Variants in MICOS10 observed in about 807,000 individuals in gnomAD.
MICOS10 encodes mitochondrial contact site and cristae organizing system subunit 10, also known as MICOS complex subunit MIC10.
In MICOS10, 5 loss-of-function variants were observed where a neutral mutation model predicts 13.4. The observed-to-expected ratio is 0.37, with a 90% confidence interval of 0.20 to 0.78. The LOEUF is 0.78. Ranked by LOEUF, MICOS10 falls within the 30% of genes least tolerant of loss-of-function variation. MICOS10 has a pLI of 0.47. For synonymous variants in MICOS10, 35 were observed against 33.6 expected (o/e 1.04, Z -0.15); for missense variants, 101 against 94.6 (o/e 1.07, Z -0.28).
At chr1:19,606,712 C>T (rs573472541) in intron 1 of MICOS10, among the ~76,000 whole-genome samples, 1 of 151,664 alleles carries the variant, frequency 6.6e-6, no homozygotes, top group Non-Finnish European at 1.5e-5. Context: ...GGCCATTGCA[C>T]TCCAACCTGG....
chr1:19,603,159 A>G (rs987847008), intron 1 of MICOS10, among the ~76,000 whole-genome samples: 1 of 151,850 alleles, frequency 6.6e-6, no homozygotes, highest in Non-Finnish European at 1.5e-5. Context: ...GCGAAACCCC[A>G]TCTCTACTAA....
intron 1 of MICOS10, among the ~76,000 whole-genome samples, chr1:19,610,320 G>A (rs1196472029): frequency 1.4e-5 from 2 of 143,802 alleles, no homozygotes; most frequent in Non-Finnish European, 3.0e-5. Flanking sequence ...TGAGGAGGTG[G>A]TCTAAGAAGA....
At chr1:19,608,619 A>G (rs773014275) in intron 1 of MICOS10, 2 of 713,688 alleles carry the variant, frequency 2.8e-6, no homozygotes, top group East Asian at 4.9e-5. Context: ...CATGTAAAAA[A>G]TAAATAAAAA....
intron 1 of MICOS10, among the ~76,000 whole-genome samples, chr1:19,618,830 CAT>C (rs2094893798): frequency 6.6e-6 from 1 of 152,354 alleles, no homozygotes; most frequent in East Asian, 1.9e-4. Context: ...TGTAGCTTCT[CAT>C]ATTTGTGAAC....
In MICOS10 at chr1:19,626,432, A is replaced by C. The variant is rs1023359660; in HGVS notation, c.*31A>C. 2 of 1,613,326 alleles carry C rather than the reference A, an allele frequency of 1.2e-6. No homozygotes were observed. The highest frequency in any genetic ancestry group is 1.3e-5 in the African/African-American group (1 of 74,908). ...CCTGAGAACATCCCAGCGGGAGGACAAGAGAAATCATGTTTATTCCTCAGG... is the reference window on the plus strand; with the variant it reads ...CCTGAGAACATCCCAGCGGGAGGACCAGAGAAATCATGTTTATTCCTCAGG... On this transcript the variant is annotated 3_prime_UTR_variant, in exon 4 of 4. Transcript: ENST00000322753.
At position 19,628,446 on chromosome 1, in the gene MICOS10, G is replaced by C. The variant is rs2094928698; in HGVS notation, c.*2045G>C. On this transcript the variant is annotated 3_prime_UTR_variant, in exon 4 of 4. Transcript: ENST00000322753. ...CACCTGTAATCCCAGCACTTTGGGA[G>C]GCCAAGGCAGGTGGATCATGAGGTC... 2 of 95,942 alleles carry C rather than the reference G, an allele frequency of 2.1e-5. No individual in the cohort carries two copies. Among genetic ancestry groups the C allele is most frequent in the South Asian group, 7.0e-4 (2 of 2,862 alleles). The allele number at this position is 95,942 out of a possible 1,614,324, so 5.9% of individuals were successfully genotyped here. A position where few individuals can be genotyped will look rare whatever the true frequency, so the allele number is the denominator to read the frequency against.
At chr1:19,605,616 G>C (rs1321794894) in intron 1 of MICOS10, among the ~76,000 whole-genome samples, 1 of 152,138 alleles carries the variant, frequency 6.6e-6, no homozygotes, top group Admixed American at 6.5e-5. Context: ...AAATAATGTT[G>C]TGTGGTGTAT....
chr1:19,615,577 C>A (rs2094880688), intron 1 of MICOS10, among the ~76,000 whole-genome samples: 1 of 151,678 alleles, frequency 6.6e-6, no homozygotes, highest in Non-Finnish European at 1.5e-5. Flanking sequence ...CAACACTTTC[C>A]TTTTTTTCCC....
At chr1:19,605,435 C>T (rs2094831111) in intron 1 of MICOS10, among the ~76,000 whole-genome samples, 1 of 152,044 alleles carries the variant, frequency 6.6e-6, no homozygotes, top group South Asian at 2.1e-4. Context: ...ACCTTAGCCC[C>T]AGGCAACCAC....
intron 1 of MICOS10, among the ~76,000 whole-genome samples, chr1:19,604,743 G>A (rs1048796088): frequency 2.0e-5 from 3 of 152,176 alleles, no homozygotes; most frequent in African/African-American, 7.2e-5. Context: ...CTTGGCAGGG[G>A]GTGGCACACA....
At chr1:19,606,815 A>T (rs548858098) in intron 1 of MICOS10, among the ~76,000 whole-genome samples, 1 of 152,384 alleles carries the variant, frequency 6.6e-6, no homozygotes, top group South Asian at 2.1e-4. Flanking sequence ...CCTTAGAATT[A>T]AAGTTAACCA....
intron 1 of MICOS10, among the ~76,000 whole-genome samples, chr1:19,620,411 T>C (rs1473376211): frequency 1.3e-5 from 2 of 152,240 alleles, no homozygotes; most frequent in Admixed American, 6.5e-5. Flanking sequence ...TTTAAGTAAC[T>C]GAGATAGCTA....
chr1:19,615,750 AACTTT>A (rs2094881846), intron 1 of MICOS10, among the ~76,000 whole-genome samples: 2 of 146,374 alleles, frequency 1.4e-5, no homozygotes, highest in South Asian at 4.3e-4. Context: ...CACCCTGCTG[AACTTT>A]CCATTTTTCA....
chr1:19,625,487 C>G, intron 3 of MICOS10: 9 of 1,289,418 alleles, frequency 7.0e-6, no homozygotes, highest in Non-Finnish European at 9.1e-6. Context: ...AGAGTGAGGT[C>G]ATCACAGGGA....
intron 1 of MICOS10, among the ~76,000 whole-genome samples, chr1:19,617,734 A>T (rs1198244274): frequency 6.6e-6 from 1 of 152,196 alleles, no homozygotes; most frequent in Non-Finnish European, 1.5e-5. Flanking sequence ...TGACAGAAAC[A>T]CGATTGAACA....
rs1256422672 is a variant in MICOS10, at chr1:19,629,023, A to T, written c.*2622A>T. 1 of 152,276 alleles carries T rather than the reference A, an allele frequency of 6.6e-6. No homozygotes were observed. The highest frequency in any genetic ancestry group is 2.4e-5 in the African/African-American group (1 of 41,458). The allele number at this position is 152,276 out of a possible 1,614,324, so 9.4% of individuals were successfully genotyped here. ...CACTGGCCAGTTGCTTTAGTTCTAG[A>T]TAGCTTTGTATTCCCGCCTTGTTGC... On this transcript the variant is annotated 3_prime_UTR_variant, in exon 4 of 4. Transcript: ENST00000322753.
intron 1 of MICOS10, among the ~76,000 whole-genome samples, chr1:19,621,199 C>G (rs1448086509): frequency 6.6e-6 from 1 of 152,198 alleles, no homozygotes; most frequent in Non-Finnish European, 1.5e-5. Context: ...TCAATGGCTT[C>G]CATGTCCCTG....
At chr1:19,626,362 TA>T in intron 3 of MICOS10, 24 bp from the exon 4 acceptor site, 1 of 1,613,982 alleles carries the variant, frequency 6.2e-7, no homozygotes, top group South Asian at 1.1e-5. Context: ...TGCACAGTTT[TA>T]AGCTGAATGT....
rs1469392066 is a variant in MICOS10 at position 19,628,399 on chromosome 1, C to T, written c.*1998C>T. The T allele has an allele frequency of 2.1e-5, 2 of 93,230 alleles. No homozygotes were observed. The highest frequency in any genetic ancestry group is 5.2e-5 in the Non-Finnish European group (2 of 38,584). 5.8% of individuals were successfully genotyped at this position (93,230 alleles called of 1,614,324 possible). ...CTCCTATTTGCTTTAAAAGTAATTTCCTGGCCGGATGCGGTGGCTCACACC... is the reference window on the plus strand; with the variant it reads ...CTCCTATTTGCTTTAAAAGTAATTTTCTGGCCGGATGCGGTGGCTCACACC... On this transcript the variant is annotated 3_prime_UTR_variant, in exon 4 of 4. Coordinates refer to ENST00000322753, the MANE Select transcript of MICOS10 (RefSeq NM_001032363.4).
Sources: gnomAD v4.1 joint callset for allele counts (sites outside exome capture counted in the v4.1 genomes callset) on GRCh38, gnomAD v4.1.1 for gene constraint, MANE v1.5 for transcripts, NCBI Gene and HGNC (gene_info 2026-07-23, HGNC 2026-07-21) for gene names.